The following ZFHX3 variants were observed in gnomAD, a reference collection of about 807,000 sequenced individuals.
The protein encoded by ZFHX3 is zinc finger homeobox protein 3.
In ZFHX3, 42 loss-of-function variants were observed where a neutral mutation model predicts 279.1. The ratio of observed to expected loss-of-function variants is 0.15; its 90% CI spans 0.12 to 0.19. The LOEUF (loss-of-function observed/expected upper bound fraction) is 0.19, where lower values mean the gene tolerates loss of function less well. ZFHX3 is among the 10% of genes least tolerant of loss of function. The pLI, the probability that ZFHX3 is intolerant of heterozygous loss-of-function variation, is 1.00. For missense variants in ZFHX3, 4,981 were observed against 4,754.0 expected (o/e 1.05, Z -1.40); for synonymous variants, 2,293 against 1,957.8 (o/e 1.17, Z -4.52).
At chr16:73,034,296 T>C (rs188197139) in intron 1 of ZFHX3, among the ~76,000 whole-genome samples, 1 of 151,854 alleles carries the variant, frequency 6.6e-6, no homozygotes, top group Admixed American at 6.5e-5. Flanking sequence ...AAAGCAGAAA[T>C]CCAAATAAAC....
intron 1 of ZFHX3, among the ~76,000 whole-genome samples, chr16:73,780,762 T>A (rs1959443021): frequency 6.6e-6 from 1 of 152,178 alleles, no homozygotes; most frequent in Non-Finnish European, 1.5e-5. Context: ...TGAATTCTGA[T>A]GCAGACTCAT....
At chr16:73,014,417 T>C (rs1012283246) in intron 1 of ZFHX3, 12 of 151,854 alleles carry the variant, frequency 7.9e-5, no homozygotes, top group African/African-American at 2.9e-4. Flanking sequence ...GTTTTGAACA[T>C]TAGTTAATAA....
intron 3 of ZFHX3, among the ~76,000 whole-genome samples, chr16:73,350,543 C>T (rs2016220520): frequency 6.6e-6 from 1 of 152,208 alleles, no homozygotes; most frequent in African/African-American, 2.4e-5. Context: ...GGACACCCTA[C>T]ACAACTTCAG....
chr16:73,585,907 A>C (rs28661005), intron 2 of ZFHX3, among the ~76,000 whole-genome samples: 14,091 of 152,230 alleles, frequency 0.093, 1,711 homozygotes, highest in African/African-American at 0.27. Flanking sequence ...TTAACTTCCA[A>C]AGTAGTAGTA....
intron 2 of ZFHX3, among the ~76,000 whole-genome samples, chr16:73,624,682 G>T (rs1332350117): frequency 2.0e-5 from 3 of 151,494 alleles, no homozygotes. Context: ...GAAATATGCC[G>T]ACTTCATAAA....
At chr16:73,574,778 C>T (rs1026112251) in intron 2 of ZFHX3, among the ~76,000 whole-genome samples, 2 of 152,130 alleles carry the variant, frequency 1.3e-5, no homozygotes, top group African/African-American at 2.4e-5. Flanking sequence ...CCTTCATCCA[C>T]GTCATTCTCC....
chr16:73,409,666 T>G (rs1567475251), intron 3 of ZFHX3, among the ~76,000 whole-genome samples: 1 of 152,196 alleles, frequency 6.6e-6, no homozygotes, highest in Non-Finnish European at 1.5e-5. Flanking sequence ...ATCTGTACTC[T>G]CATGTTTATT....
At chr16:73,414,457 G>T (rs927398942) in intron 3 of ZFHX3, among the ~76,000 whole-genome samples, 2 of 152,170 alleles carry the variant, frequency 1.3e-5, no homozygotes, top group African/African-American at 2.4e-5. Context: ...GGGACAAATT[G>T]GCCACTCGTT....
intron 1 of ZFHX3, among the ~76,000 whole-genome samples, chr16:73,731,279 A>G (rs1478970477): frequency 6.6e-6 from 1 of 152,174 alleles, no homozygotes; most frequent in Non-Finnish European, 1.5e-5. Context: ...TTGTCCTGTC[A>G]CATTTCAATA....
chr16:72,874,510 C>A (rs559671056), intron 4 of ZFHX3, among the ~76,000 whole-genome samples: 1 of 151,528 alleles, frequency 6.6e-6, no homozygotes, highest in East Asian at 2.0e-4. Flanking sequence ...CCTGGAGGAG[C>A]CATCTTTAGA....
chr16:73,009,649 T>C (rs1036186176), intron 1 of ZFHX3, among the ~76,000 whole-genome samples: 1 of 152,150 alleles, frequency 6.6e-6, no homozygotes, highest in African/African-American at 2.4e-5. Context: ...CATGGGCTAA[T>C]TGCTGGCTAC....
At position 72,960,081 on chromosome 16, in the gene ZFHX3, T is replaced by C; in HGVS notation, c.65A>G (p.Gln22Arg). 6.2e-7 allele frequency: 1 copy of C among 1,613,146 alleles called. No homozygotes were observed. The highest frequency in any genetic ancestry group is 8.5e-7 in the Non-Finnish European group (1 of 1,179,578). The part of the protein sequence containing the change: ...KDNGCGIPQH[Q>R]QWTELNSTHL... ...GGTGCTGTTGAGTTCAGTCCATTGC[T>C]GGTGCTGAGGGATACCGCACCCATT... Residue 22 changes from glutamine (Q) to arginine (R), a missense_variant, in exon 2 of 10, where the codon CAG (glutamine) becomes CGG (arginine). Gln to Arg is a conservative substitution (Grantham distance 43). Coordinates refer to ENST00000268489, the MANE Select transcript of ZFHX3 (RefSeq NM_006885.4).
chr16:73,299,382 A>G (rs565973288), intron 4 of ZFHX3, among the ~76,000 whole-genome samples: 22 of 152,302 alleles, frequency 1.4e-4, no homozygotes, highest in African/African-American at 4.8e-4. Context: ...AGGCAGTTCT[A>G]CCTCCAACAT....
chr16:72,934,063 C>T (rs1226495739), intron 3 of ZFHX3, among the ~76,000 whole-genome samples: 1 of 152,106 alleles, frequency 6.6e-6, no homozygotes, highest in Non-Finnish European at 1.5e-5. Flanking sequence ...GGTGATCCAC[C>T]TATCTCAGCC....
intron 4 of ZFHX3, among the ~76,000 whole-genome samples, chr16:72,886,351 G>T (rs2038620775): frequency 6.6e-6 from 1 of 151,886 alleles, no homozygotes; most frequent in Non-Finnish European, 1.5e-5. Flanking sequence ...ATACGGAAGG[G>T]AAGTCTATCA....
intron 4 of ZFHX3, among the ~76,000 whole-genome samples, chr16:72,878,924 C>A (rs936342505): frequency 2.0e-5 from 3 of 152,232 alleles, no homozygotes; most frequent in Admixed American, 2.0e-4. Flanking sequence ...GCAATGGGAA[C>A]CTAGCGACAT....
In ZFHX3 at chr16:72,846,910, T is replaced by TG. The variant is rs536770539; in HGVS notation, c.3449-17052dup. Among the ~76,000 whole-genome samples, 126 of 152,270 alleles carry TG rather than the reference T, an allele frequency of 8.3e-4. 1 individual carries two copies. The highest frequency in any genetic ancestry group is 3.0e-3 in the African/African-American group (124 of 41,558). ...TTGCCATGGGCGGTGCTGCAGCACT[T>TG]GGACAGTCTGGACGCCCATAAACCA... On this transcript the variant is annotated intron_variant, in intron 4 of 9. Transcript: ENST00000268489.
At position 72,968,986 on chromosome 16, in the gene ZFHX3, C is replaced by T. The variant is rs139946480; in HGVS notation, c.-49-8792G>A. Among the ~76,000 whole-genome samples the T allele has an allele frequency of 2.0e-5, 3 of 152,064 alleles. No individual in the cohort carries two copies. In the East Asian group the frequency reaches 5.8e-4, roughly 29 times the overall value. On this transcript the variant is annotated intron_variant, in intron 1 of 9. Coordinates refer to ENST00000268489, the MANE Select transcript of ZFHX3 (RefSeq NM_006885.4). ...TATATATGTACCTACATATATACAGCAGGAATAAATATATGAGATGTTACC... is the reference window on the plus strand; with the variant it reads ...TATATATGTACCTACATATATACAGTAGGAATAAATATATGAGATGTTACC...
At chr16:73,752,885 T>A (rs1478598254) in intron 1 of ZFHX3, among the ~76,000 whole-genome samples, 1 of 152,182 alleles carries the variant, frequency 6.6e-6, no homozygotes, top group Non-Finnish European at 1.5e-5. Flanking sequence ...CAGATAACAT[T>A]TGCAGGTACC....
Sources: gnomAD v4.1 joint callset for allele counts (sites outside exome capture counted in the v4.1 genomes callset) on GRCh38, gnomAD v4.1.1 for gene constraint, MANE v1.5 for transcripts, NCBI Gene and HGNC (gene_info 2026-07-23, HGNC 2026-07-21) for gene names.